Variants in VPS13B observed in about 807,000 individuals in gnomAD.
The protein encoded by VPS13B is intermembrane lipid transfer protein VPS13B.
In VPS13B, 285 loss-of-function variants were observed where a neutral mutation model predicts 426.4. The observed-to-expected ratio is 0.67, with a 90% CI of 0.61 to 0.74. The LOEUF is 0.74. VPS13B is among the 30% of genes least tolerant of loss of function. VPS13B has a pLI of 0.00. For missense variants in VPS13B, 4,537 were observed against 4,782.6 expected (o/e 0.95, Z 1.51); for synonymous variants, 1,676 against 1,676.4 (o/e 1.00, Z 0.01).
intron 54 of VPS13B, among the ~76,000 whole-genome samples, chr8:99,837,997 T>A (rs1815481678): frequency 6.6e-6 from 1 of 152,212 alleles, no homozygotes; most frequent in East Asian, 1.9e-4. Flanking sequence ...AATAAGATAG[T>A]CTCGTGTTGT....
chr8:99,254,744 G>A (rs1257954222), intron 17 of VPS13B, among the ~76,000 whole-genome samples: 1 of 151,994 alleles, frequency 6.6e-6, no homozygotes, highest in Non-Finnish European at 1.5e-5. Context: ...ACAGGCTCAA[G>A]TGATTCTCCT....
intron 19 of VPS13B, among the ~76,000 whole-genome samples, chr8:99,352,392 C>T (rs1426302774): frequency 6.6e-6 from 1 of 152,092 alleles, no homozygotes; most frequent in African/African-American, 2.4e-5. Context: ...CTGCAGCCAT[C>T]TTACACAGCA....
intron 33 of VPS13B, among the ~76,000 whole-genome samples, chr8:99,591,310 G>A (rs1029133290): frequency 6.6e-6 from 1 of 151,076 alleles, no homozygotes; most frequent in Admixed American, 6.6e-5. Flanking sequence ...TATCCAATTT[G>A]CCAGTTTGTG....
At chr8:99,678,073 A>T (rs1204542536) in intron 35 of VPS13B, among the ~76,000 whole-genome samples, 3 of 152,192 alleles carry the variant, frequency 2.0e-5, no homozygotes, top group African/African-American at 4.8e-5. Context: ...TATAGGTATT[A>T]GGTATACTTT....
chr8:99,868,243 G>T (rs368238226), intron 58 of VPS13B, 46 bp from the exon 59 acceptor site: 7 of 1,612,828 alleles, frequency 4.3e-6, no homozygotes, highest in Non-Finnish European at 5.9e-6. Context: ...TTCATTTTCC[G>T]AGGATTTTAA....
At chr8:99,827,862 G>A (rs1389675250) in intron 51 of VPS13B, among the ~76,000 whole-genome samples, 1 of 152,164 alleles carries the variant, frequency 6.6e-6, no homozygotes, top group African/African-American at 2.4e-5. Flanking sequence ...TTCAGGAGCA[G>A]GTTGTTCCAT....
At chr8:99,808,202 A>G (rs1813502575) in intron 43 of VPS13B, among the ~76,000 whole-genome samples, 1 of 152,186 alleles carries the variant, frequency 6.6e-6, no homozygotes, top group Non-Finnish European at 1.5e-5. Flanking sequence ...TTGTTTGCAT[A>G]TGATATAAAT....
chr8:99,790,081 T>C (rs1301637993), intron 43 of VPS13B, among the ~76,000 whole-genome samples: 2 of 152,160 alleles, frequency 1.3e-5, no homozygotes, highest in African/African-American at 2.4e-5. Context: ...CCAAGTGTAA[T>C]GATATATCAA....
chr8:99,249,926 G>T (rs147128313), intron 17 of VPS13B, among the ~76,000 whole-genome samples: 3 of 152,068 alleles, frequency 2.0e-5, no homozygotes, highest in Admixed American at 6.6e-5. Context: ...TGGGGGTGGT[G>T]GGGGAGAAAC....
rs770422903 is a variant in VPS13B, at chr8:99,848,843, T to C, written c.10010T>C (p.Ile3337Thr). ...DVVHQCGTVF[I>T]TVAPEGKAGP... ...GTACATCAGTGTGGCACAGTCTTCA[T>C]CACTGTGGCCCCAGAAGGAAAAGCA... The change falls in exon 55 of 62, where the codon ATC (isoleucine) becomes ACC (threonine). Residue 3337 changes from isoleucine to threonine, a missense_variant. This residue lies in a region of VPS13B where 4,311 missense variants were observed against 4,474.3 expected (regional missense o/e 0.96). Coordinates refer to ENST00000357162, the MANE Select transcript of VPS13B (RefSeq NM_152564.5). 6.2e-7 allele frequency: 1 copy of C among 1,614,172 alleles called. No homozygotes were observed. The highest frequency in any genetic ancestry group is 8.5e-7 in the Non-Finnish European group (1 of 1,180,006).
chr8:99,134,824 A>ACTAC, intron 9 of VPS13B, 97 bp downstream of exon 9: 1 of 1,216,616 alleles, frequency 8.2e-7, no homozygotes, highest in Non-Finnish European at 1.2e-6. Flanking sequence ...TTAAAAATAC[A>ACTAC]AGTAAGATGT....
In VPS13B at chr8:99,766,969, A is replaced by T. The variant is rs1342271383; in HGVS notation, c.7246A>T (p.Ser2416Cys). The change falls in exon 40 of 62, where the codon AGC (serine) becomes TGC (cysteine). Residue 2416 changes from serine to cysteine, a missense_variant and splice_region_variant. By Grantham distance (112) the Ser-to-Cys change is moderately radical. This residue lies in a region of VPS13B where 4,311 missense variants were observed against 4,474.3 expected (regional missense o/e 0.96). Transcript: ENST00000357162. ...CAGTCAAAATGGAGCTGATGACCAA[A>T]GGTAATTCATTGAAAGATGATATGG... ...NSSQNGADDQSSASESGSQST... is the reference protein window; with the variant it reads ...NSSQNGADDQCSASESGSQST... 3 of 1,613,480 alleles carry T rather than the reference A, an allele frequency of 1.9e-6. No homozygotes were observed. Among genetic ancestry groups the T allele is most frequent in the Non-Finnish European group, 2.5e-6 (3 of 1,179,704 alleles).
chr8:99,188,842 C>T (rs10808363), intron 16 of VPS13B, among the ~76,000 whole-genome samples: 125,750 of 152,172 alleles, frequency 0.83, 52,470 homozygotes, highest in South Asian at 0.89. Flanking sequence ...TTTTTTCATG[C>T]GCTTATTGGC....
At chr8:99,387,083 T>C (rs1308360067) in intron 20 of VPS13B, among the ~76,000 whole-genome samples, 1 of 152,226 alleles carries the variant, frequency 6.6e-6, no homozygotes, top group Non-Finnish European at 1.5e-5. Context: ...TTCATCTTTA[T>C]TGACTTGGAA....
chr8:99,032,321 T>C (rs979084995), intron 2 of VPS13B, among the ~76,000 whole-genome samples: 1 of 152,368 alleles, frequency 6.6e-6, no homozygotes, highest in Middle Eastern at 3.4e-3. Flanking sequence ...ACCATTTTGA[T>C]TGAAGTTTTT....
intron 13 of VPS13B, among the ~76,000 whole-genome samples, chr8:99,145,431 C>T (rs986494803): frequency 2.6e-5 from 4 of 152,158 alleles, no homozygotes; most frequent in Non-Finnish European, 4.4e-5. Context: ...ATGTTGCTCT[C>T]TTACAACCAC....
At chr8:99,223,450 C>T (rs951096888) in intron 17 of VPS13B, among the ~76,000 whole-genome samples, 3 of 152,100 alleles carry the variant, frequency 2.0e-5, no homozygotes, top group Non-Finnish European at 4.4e-5. Context: ...GAGGTAGGTA[C>T]TATCATTATT....
chr8:99,289,678 C>T (rs138474646), intron 19 of VPS13B, among the ~76,000 whole-genome samples: 7 of 152,088 alleles, frequency 4.6e-5, no homozygotes, highest in Admixed American at 1.3e-4. Flanking sequence ...AGAAGGTGAC[C>T]AGGCCAAAAT....
At position 99,875,556 on chromosome 8, in the gene VPS13B, C is replaced by A; in HGVS notation, c.11884C>A (p.Pro3962Thr). The A allele has an allele frequency of 6.2e-7, 1 of 1,614,154 alleles. No homozygotes were observed. ...CCCTGTGGTGGCTGCAGAACCTCCC[C>A]CCTCCACTGTTAAAACATACCATTA... is the stretch of plus-strand genomic sequence containing the variant. ...PCPVVAAEPP[P>T]STVKTYHYLV... Residue 3962 changes from proline to threonine, a missense_variant, in exon 62 of 62, where the codon CCC becomes ACC. Physicochemically the swap from Pro to Thr is conservative, Grantham distance 38. Coordinates refer to ENST00000357162, the MANE Select transcript of VPS13B (RefSeq NM_152564.5).
Sources: allele counts gnomAD v4.1 joint callset (sites outside exome capture counted in the v4.1 genomes callset), GRCh38; gene constraint gnomAD v4.1.1; regional missense constraint gnomAD v4.1.1; transcripts MANE v1.5; gene names NCBI Gene and HGNC (gene_info 2026-07-23, HGNC 2026-07-21).